The following LANCL2 variants were observed in gnomAD, a reference collection of about 807,000 sequenced individuals.
LANCL2 encodes the protein LanC like glutathione S-transferase 2, also known as lanC-like protein 2.
Under a neutral mutation model 56.9 loss-of-function variants are expected in LANCL2, and 33 were observed. The observed-to-expected ratio is 0.58, with a 90% CI of 0.44 to 0.78. The LOEUF (loss-of-function observed/expected upper bound fraction) is 0.78, where lower values mean the gene tolerates loss of function less well. Among genes scored for constraint, LANCL2 ranks in the 30% least tolerant of loss-of-function variants. The probability of loss-of-function intolerance (pLI) is 0.00; values close to 1 mark genes in which losing one functional copy is unlikely to be tolerated. For synonymous variants in LANCL2, 233 were observed against 228.2 expected, an observed-to-expected ratio of 1.02 and a Z score of -0.19; for missense variants, 562 against 580.2, an observed-to-expected ratio of 0.97 and a Z score of 0.32.
chr7:55,431,062 G>A (rs2293322), intron 8 of LANCL2, among the ~76,000 whole-genome samples, 164 bp from the exon 9 acceptor site: 45,877 of 152,024 alleles, frequency 0.3, 8,148 homozygotes, highest in East Asian at 0.52. Flanking sequence ...TACCTGCCAG[G>A]TGCTAAATAT....
At chr7:55,377,951 A>AT (rs1372940830) in intron 1 of LANCL2, among the ~76,000 whole-genome samples, 3 of 152,200 alleles carry the variant, frequency 2.0e-5, no homozygotes, top group Non-Finnish European at 4.4e-5. Flanking sequence ...CAAGCAAAAA[A>AT]TTTTGCAGTA....
chr7:55,424,553 GAAACA>G (rs1264667203), intron 6 of LANCL2, among the ~76,000 whole-genome samples: 1 of 152,238 alleles, frequency 6.6e-6, no homozygotes, highest in East Asian at 1.9e-4. Context: ...TATGTGCCAA[GAAACA>G]AGGAAAACAT....
At chr7:55,395,668 A>T (rs1790242348) in intron 2 of LANCL2, among the ~76,000 whole-genome samples, 1 of 151,756 alleles carries the variant, frequency 6.6e-6, no homozygotes. Context: ...CTAGCATATA[A>T]AGAGTTTACA....
intron 7 of LANCL2, among the ~76,000 whole-genome samples, chr7:55,427,225 TG>T (rs1220697860): frequency 6.6e-6 from 1 of 152,242 alleles, no homozygotes; most frequent in East Asian, 1.9e-4. Flanking sequence ...AAATCATGCC[TG>T]GACCTCACTC....
At position 55,366,230 on chromosome 7, in the gene LANCL2, G is replaced by GT; in HGVS notation, c.204+2dup. Reference sequence around the variant, plus strand: ...CCTCCCTTTTCATCAGGACGGGAAGGTGAGTCGGCGGCCTGGCCGCAGAGG... The same window carrying GT: ...CCTCCCTTTTCATCAGGACGGGAAGGTTGAGTCGGCGGCCTGGCCGCAGAGG... On this transcript the variant is annotated splice_donor_variant, in intron 1 of 8. Coordinates refer to ENST00000254770, the MANE Select transcript of LANCL2 (RefSeq NM_018697.4). LOFTEE classifies it high-confidence loss of function. The GT allele has an allele frequency of 1.3e-6, 2 of 1,500,230 alleles. No individual in the cohort carries two copies. Among genetic ancestry groups the GT allele is most frequent in the Non-Finnish European group, 1.8e-6 (2 of 1,118,724 alleles). 92.9% of individuals were successfully genotyped at this position (1,500,230 alleles called of 1,614,324 possible).
intron 6 of LANCL2, among the ~76,000 whole-genome samples, chr7:55,421,289 G>A (rs1790605367): frequency 6.8e-6 from 1 of 147,392 alleles, no homozygotes; most frequent in Admixed American, 6.7e-5. Flanking sequence ...TTTTAGGGAG[G>A]TAGAGAGATT....
chr7:55,380,081 CA>C (rs1420116593), intron 1 of LANCL2, among the ~76,000 whole-genome samples: 1 of 152,178 alleles, frequency 6.6e-6, no homozygotes, highest in Non-Finnish European at 1.5e-5. Flanking sequence ...CCTTGAATAA[CA>C]TTTAATGAAA....
chr7:55,432,980 C>CTGAAGACCTCACACGA lies in LANCL2; in HGVS notation c.*1663_*1678dup, dbSNP rs1434142587. 6.6e-6 allele frequency: 1 copy of CTGAAGACCTCACACGA among 152,270 alleles called. No homozygotes were observed. The highest frequency in any genetic ancestry group is 1.5e-5 in the Non-Finnish European group (1 of 68,070). The allele number at this position is 152,270 out of a possible 1,614,324, so 9.4% of individuals were successfully genotyped here. A position where few individuals can be genotyped will look rare whatever the true frequency, so the allele number is the denominator to read the frequency against. The stretch of plus-strand genomic sequence containing the variant: ...CAATGAGCTGAGGGTAGCTGCTTTG[C>CTGAAGACCTCACACGA]TGAAGACCTCACACGATGTCCAATC... On this transcript the variant is annotated 3_prime_UTR_variant, in exon 9 of 9. Transcript: ENST00000254770.
chr7:55,372,295 A>G (rs915143834), intron 1 of LANCL2, among the ~76,000 whole-genome samples: 5 of 152,234 alleles, frequency 3.3e-5, no homozygotes, highest in Non-Finnish European at 7.3e-5. Flanking sequence ...AAATTGTAGC[A>G]TAGAGCAGGT....
chr7:55,380,415 GT>G (rs35619978), intron 1 of LANCL2, among the ~76,000 whole-genome samples: 39,022 of 146,776 alleles, frequency 0.27, 6,190 homozygotes, highest in African/African-American at 0.46. Context: ...ATACTGCATT[GT>G]TTTTTTTTTT....
intron 1 of LANCL2, among the ~76,000 whole-genome samples, chr7:55,372,971 G>A (rs548703929): frequency 1.3e-5 from 2 of 152,122 alleles, no homozygotes; most frequent in Non-Finnish European, 2.9e-5. Context: ...GAGATGATAA[G>A]GAATAACCAA....
chr7:55,431,294 G>C lies in LANCL2; in HGVS notation c.1327G>C (p.Glu443Gln). 3.7e-6 allele frequency: 6 copies of C among 1,613,854 alleles called. No homozygotes were observed. Among genetic ancestry groups the C allele is most frequent in the Non-Finnish European group, 5.1e-6 (6 of 1,179,896 alleles). The stretch of plus-strand genomic sequence containing the variant: ...AGAGACATCACGGTTTCCAGCATTT[G>C]AACTTGACTCTTCGAAGAGGGATTA... ...GPETSRFPAF[E>Q]LDSSKRD is the part of the protein sequence containing the mutation. The change falls in exon 9 of 9, where the codon GAA (glutamate) becomes CAA (glutamine). Residue 443 changes from glutamate to glutamine, a missense_variant. Physicochemically the swap from Glu to Gln is conservative, Grantham distance 29. Transcript: ENST00000254770.
At chr7:55,390,348 A>G (rs1039320586) in intron 1 of LANCL2, among the ~76,000 whole-genome samples, 4 of 152,176 alleles carry the variant, frequency 2.6e-5, no homozygotes, top group Non-Finnish European at 5.9e-5. Flanking sequence ...GCTCATGCCT[A>G]TAATCCCAGC....
chr7:55,392,567 T>G (rs1030540327), intron 2 of LANCL2, among the ~76,000 whole-genome samples: 20 of 147,720 alleles, frequency 1.4e-4, no homozygotes, highest in Admixed American at 6.7e-4. Context: ...GAGGTTGGTC[T>G]CAAATTCCTG....
chr7:55,382,088 A>T (rs1054111921), intron 1 of LANCL2, among the ~76,000 whole-genome samples: 16 of 152,202 alleles, frequency 1.1e-4, no homozygotes, highest in Non-Finnish European at 1.8e-4. Context: ...AAAATGAATG[A>T]TTTTGAGGAG....
chr7:55,406,923 G>A (rs1487127366), intron 5 of LANCL2, among the ~76,000 whole-genome samples: 1 of 152,132 alleles, frequency 6.6e-6, no homozygotes, highest in Non-Finnish European at 1.5e-5. Flanking sequence ...ATGAAAGATG[G>A]CGTCAGTGCC....
At chr7:55,413,620 G>A (rs1445257043) in intron 6 of LANCL2, among the ~76,000 whole-genome samples, 1 of 152,344 alleles carries the variant, frequency 6.6e-6, no homozygotes, top group East Asian at 1.9e-4. Context: ...TGGCCACTTG[G>A]GAGCAAGCCA....
chr7:55,414,755 G>T (rs564453022), intron 6 of LANCL2, among the ~76,000 whole-genome samples: 1 of 152,126 alleles, frequency 6.6e-6, no homozygotes, highest in African/African-American at 2.4e-5. Flanking sequence ...CAAGGCAGGA[G>T]GGTTGCTTGA....
At chr7:55,369,987 A>G (rs1221438963) in intron 1 of LANCL2, among the ~76,000 whole-genome samples, 1 of 152,134 alleles carries the variant, frequency 6.6e-6, no homozygotes, top group Non-Finnish European at 1.5e-5. Flanking sequence ...AACACTTACG[A>G]TCTCATGCAG....
Sources: allele counts gnomAD v4.1 joint callset (sites outside exome capture counted in the v4.1 genomes callset), GRCh38; gene constraint gnomAD v4.1.1; transcripts MANE v1.5; gene names NCBI Gene and HGNC (gene_info 2026-07-23, HGNC 2026-07-21).